The following CEP128 variants were observed in gnomAD, a reference collection of about 807,000 sequenced individuals.
The protein encoded by CEP128 is centrosomal protein 128kDa.
A neutral mutation model predicts 156.7 loss-of-function variants in CEP128; 132 were observed. The observed-to-expected ratio is 0.84, with a 90% CI of 0.73 to 0.97. The LOEUF (loss-of-function observed/expected upper bound fraction) is 0.97, where lower values mean the gene tolerates loss of function less well. Ranked by LOEUF, CEP128 falls within the 50% of genes least tolerant of loss-of-function variation. The pLI is 0.00. For missense variants in CEP128, 1,252 were observed against 1,281.9 expected (o/e 0.98, Z 0.36); for synonymous variants, 469 against 448.9 (o/e 1.04, Z -0.57).
At chr14:80,871,213 G>A (rs1888011872) in intron 8 of CEP128, among the ~76,000 whole-genome samples, 1 of 152,030 alleles carries the variant, frequency 6.6e-6, no homozygotes, top group Admixed American at 6.6e-5. Flanking sequence ...TTTTAAACCT[G>A]GAGGAATAAT....
At chr14:80,656,291 TTATATA>T (rs1159139132) in intron 19 of CEP128, among the ~76,000 whole-genome samples, 349 of 25,554 alleles carry the variant, frequency 0.014, 7 homozygotes, top group Middle Eastern at 0.033. Context: ...ATATATATAT[TTATATA>T]TATATATATA....
At chr14:80,744,905 A>T (rs1444884224) in intron 18 of CEP128, among the ~76,000 whole-genome samples, 2 of 152,184 alleles carry the variant, frequency 1.3e-5, no homozygotes, top group Non-Finnish European at 2.9e-5. Flanking sequence ...CCATTTCCCC[A>T]GGTCACTTAT....
rs35857257 is a variant in CEP128 at position 80,540,197 on chromosome 14, A to ACCCC, written c.2881-9315_2881-9312dup. Among the ~76,000 whole-genome samples the ACCCC allele has an allele frequency of 1.9e-3, 230 of 124,218 alleles. 8 individuals carry two copies. Among genetic ancestry groups the ACCCC allele is most frequent in the East Asian group, 0.014 (53 of 3,790 alleles). The allele number at this position is 124,218 out of a possible 152,430, so 81.5% of individuals were successfully genotyped here. On this transcript the variant is annotated intron_variant, in intron 21 of 24. Transcript: ENST00000555265. ...CTTTGTACCTACTCCCTGTTCTTAC[A>ACCCC]CCCCCCCCCCTTTTGAAACCCTTAA... is the stretch of plus-strand genomic sequence containing the variant.
Position 80,689,087 on chromosome 14 carries a change from G to A in CEP128, c.2806+53988C>T, listed in dbSNP as rs574306842. Among the ~76,000 whole-genome samples the A allele has an allele frequency of 3.9e-5, 6 of 152,038 alleles. No individual in the cohort carries two copies. The East Asian group carries it at 1.2e-3, about 29-fold the overall frequency. The stretch of plus-strand genomic sequence containing the variant: ...ATAAGAAATGTATCTTTACGGCTAG[G>A]CGCAGTGGCACCCAGCACTTTGAGA... On this transcript the variant is annotated intron_variant, in intron 19 of 24. Transcript: ENST00000555265.
intron 2 of CEP128, among the ~76,000 whole-genome samples, chr14:80,925,937 T>C (rs1417884160): frequency 6.6e-6 from 1 of 151,728 alleles, no homozygotes; most frequent in Non-Finnish European, 1.5e-5. Context: ...AGCAGTGAGG[T>C]TTTATGAAAA....
intron 21 of CEP128, among the ~76,000 whole-genome samples, chr14:80,542,264 A>G (rs1479278518): frequency 3.9e-5 from 6 of 152,206 alleles, no homozygotes; most frequent in Non-Finnish European, 7.3e-5. Context: ...TATATTTCCA[A>G]TGCTGAGTAC....
chr14:80,793,152 CA>C, intron 13 of CEP128, 42 bp from the exon 14 acceptor site: 1 of 1,491,702 alleles, frequency 6.7e-7, no homozygotes. Context: ...AAATCCTTGT[CA>C]AAATTGGATG....
chr14:80,640,645 C>CATTCTAG (rs1332569668), intron 19 of CEP128, among the ~76,000 whole-genome samples: 4 of 152,106 alleles, frequency 2.6e-5, no homozygotes, highest in Non-Finnish European at 5.9e-5. Flanking sequence ...GAATCCTCTC[C>CATTCTAG]AGGGTTCTAT....
At chr14:80,731,998 T>C (rs1898294441) in intron 19 of CEP128, among the ~76,000 whole-genome samples, 1 of 152,114 alleles carries the variant, frequency 6.6e-6, no homozygotes, top group Non-Finnish European at 1.5e-5. Context: ...CTGTTGAAGA[T>C]ACCATAATAA....
intron 18 of CEP128, among the ~76,000 whole-genome samples, chr14:80,747,526 T>C (rs1899162883): frequency 1.3e-5 from 2 of 152,318 alleles, no homozygotes; most frequent in African/African-American, 2.4e-5. Context: ...ATTATATTTA[T>C]GGCCAGGGGC....
intron 21 of CEP128, among the ~76,000 whole-genome samples, chr14:80,534,660 C>T (rs1413074253): frequency 6.6e-6 from 1 of 151,910 alleles, no homozygotes; most frequent in Non-Finnish European, 1.5e-5. Flanking sequence ...CCCATCTCTA[C>T]TAAAAATACA....
At position 80,497,418 on chromosome 14, in the gene CEP128, A is replaced by G. The variant is rs1039459802; in HGVS notation, c.*61T>C. 129 of 1,156,682 alleles carry G rather than the reference A, an allele frequency of 1.1e-4. No homozygotes were observed. The highest frequency in any genetic ancestry group is 2.0e-4 in the Admixed American group (10 of 49,848). 71.7% of individuals were successfully genotyped at this position (1,156,682 alleles called of 1,614,324 possible). ...AGATAATCTGGGCCAAATTGCTGTA[A>G]GAATAGAGATGTTATTATTTGTAAC... On this transcript the variant is annotated 3_prime_UTR_variant, in exon 25 of 25. Coordinates refer to ENST00000555265, the MANE Select transcript of CEP128 (RefSeq NM_152446.5).
chr14:80,517,220 A>C (rs939220541), intron 23 of CEP128, among the ~76,000 whole-genome samples: 2 of 151,366 alleles, frequency 1.3e-5, no homozygotes, highest in Admixed American at 1.3e-4. Flanking sequence ...TTATTTTTTA[A>C]ATTTCATTGA....
Position 80,793,003 on chromosome 14 carries a change from A to T in CEP128, c.1317T>A (p.His439Gln). 6.2e-7 allele frequency: 1 copy of T among 1,614,190 alleles called. No individual in the cohort carries two copies. Among genetic ancestry groups the T allele is most frequent in the South Asian group, 1.1e-5 (1 of 91,092 alleles). Residue 439 changes from histidine (H) to glutamine (Q), a missense_variant, in exon 14 of 25, where the codon CAT becomes CAA. By Grantham distance (24) the His-to-Gln change is conservative (BLOSUM62 0). Transcript: ENST00000555265. Reference sequence around the variant, plus strand: ...TCAGCTCTGAGATCTGAAGGTCAGCATGCTTACGCTCGGCCTCACATGTGT... The same window carrying T: ...TCAGCTCTGAGATCTGAAGGTCAGCTTGCTTACGCTCGGCCTCACATGTGT... The part of the protein sequence containing the change: ...HFDTCEAERK[H>Q]ADLQISELTR...
intron 9 of CEP128, among the ~76,000 whole-genome samples, chr14:80,848,044 G>A (rs1886696282): frequency 6.6e-6 from 1 of 152,180 alleles, no homozygotes; most frequent in Non-Finnish European, 1.5e-5. Flanking sequence ...AACAAGCAAA[G>A]CAGGTAAGTC....
intron 21 of CEP128, among the ~76,000 whole-genome samples, chr14:80,551,524 G>A (rs10138431): frequency 0.26 from 39,988 of 152,118 alleles, 6,055 homozygotes; most frequent in African/African-American, 0.41. Context: ...TCTCAATTCA[G>A]TGGAATGGTG....
chr14:80,812,470 A>G (rs1377024477), intron 13 of CEP128, among the ~76,000 whole-genome samples: 1 of 152,214 alleles, frequency 6.6e-6, no homozygotes, highest in Non-Finnish European at 1.5e-5. Context: ...GCTCTTTGAG[A>G]AATCTAGAAA....
intron 13 of CEP128, among the ~76,000 whole-genome samples, chr14:80,816,736 A>G (rs1369948753): frequency 1.3e-5 from 2 of 152,186 alleles, no homozygotes; most frequent in Non-Finnish European, 2.9e-5. Flanking sequence ...GTCAAAAACA[A>G]TGGAGATCTG....
chr14:80,723,801 C>T (rs1261528932), intron 19 of CEP128, among the ~76,000 whole-genome samples: 1 of 152,116 alleles, frequency 6.6e-6, no homozygotes, highest in East Asian at 1.9e-4. Flanking sequence ...AATGGGAGAC[C>T]ATACAAAGCC....
Sources: gnomAD v4.1 joint callset for allele counts (sites outside exome capture counted in the v4.1 genomes callset) on GRCh38, gnomAD v4.1.1 for gene constraint, MANE v1.5 for transcripts, NCBI Gene and HGNC (gene_info 2026-07-23, HGNC 2026-07-21) for gene names.